The following SNX7 variants were observed in gnomAD, a reference collection of about 807,000 sequenced individuals.
The protein encoded by SNX7 is sorting nexin 7, also known as sorting nexin-7.
Under a neutral mutation model 48.4 loss-of-function variants are expected in SNX7, and 35 were observed. That is an observed-to-expected ratio of 0.72 (90% confidence interval 0.55 to 0.96). SNX7 has a LOEUF of 0.96. Among genes scored for constraint, SNX7 ranks in the 40% least tolerant of loss-of-function variants. The pLI, the probability that SNX7 is intolerant of heterozygous loss-of-function variation, is 0.00. For synonymous variants in SNX7, 190 were observed against 190.2 expected (o/e 1.00, Z 0.01); for missense variants, 553 against 548.9 (o/e 1.01, Z -0.07).
intron 1 of SNX7, among the ~76,000 whole-genome samples, chr1:98,678,478 A>G (rs546273844): frequency 3.4e-4 from 52 of 152,328 alleles, no homozygotes; most frequent in African/African-American, 1.2e-3. Context: ...TTTATTTCCT[A>G]GCATTAATAT....
chr1:98,662,688 T>C, intron 1 of SNX7: 2 of 1,289,328 alleles, frequency 1.6e-6, no homozygotes, highest in Non-Finnish European at 2.0e-6. Flanking sequence ...AAAAATACCT[T>C]TCTTGCAGGG....
chr1:98,751,634 C>T (rs995924515), intron 8 of SNX7, among the ~76,000 whole-genome samples: 1 of 152,042 alleles, frequency 6.6e-6, no homozygotes, highest in Non-Finnish European at 1.5e-5. Context: ...CTGGTCAACC[C>T]ACATCCTGGC....
chr1:98,741,063 AAT>A (rs1359437515), intron 8 of SNX7, among the ~76,000 whole-genome samples: 1 of 152,162 alleles, frequency 6.6e-6, no homozygotes. Context: ...ACTAACTATT[AAT>A]ATCAGAAAAT....
intron 7 of SNX7, among the ~76,000 whole-genome samples, chr1:98,723,901 G>A (rs1364043331): frequency 6.6e-6 from 1 of 151,852 alleles, no homozygotes; most frequent in Non-Finnish European, 1.5e-5. Flanking sequence ...GTGAATATTG[G>A]CAGTTTTGTC....
intron 7 of SNX7, among the ~76,000 whole-genome samples, chr1:98,705,335 G>A (rs761903937): frequency 6.6e-6 from 1 of 152,100 alleles, no homozygotes; most frequent in Non-Finnish European, 1.5e-5. Context: ...ATAAATCAAA[G>A]ATCAAATCCT....
chr1:98,697,986 A>G (rs1651549416), intron 5 of SNX7, among the ~76,000 whole-genome samples: 1 of 152,164 alleles, frequency 6.6e-6, no homozygotes, highest in Non-Finnish European at 1.5e-5. Context: ...TTGAGTTAAA[A>G]TCTTTGGCAG....
chr1:98,679,338 T>G (rs1168234745), intron 1 of SNX7, among the ~76,000 whole-genome samples: 1 of 142,842 alleles, frequency 7.0e-6, no homozygotes, highest in Admixed American at 6.8e-5. Flanking sequence ...CCACAACACA[T>G]GAGAATTGTG....
Position 98,691,203 on chromosome 1 carries a change from T to A in SNX7, c.474+18T>A. ...TTATTCCAGTAAGTTTGCAAAATTT[T>A]TTTTTTCATAGAATAGCTACCAGTT... On this transcript the variant is annotated intron_variant, in intron 3 of 8. Transcript: ENST00000306121. The A allele has an allele frequency of 6.5e-7, 1 of 1,546,550 alleles. No homozygotes were observed. The highest frequency in any genetic ancestry group is 8.8e-7 in the Non-Finnish European group (1 of 1,135,542).
At position 98,695,638 on chromosome 1, in the gene SNX7, A is replaced by C; in HGVS notation, c.760A>C (p.Asn254His). Residue 254 changes from asparagine to histidine, a missense_variant, in exon 5 of 9, where the codon AAT becomes CAT. Transcript: ENST00000306121. Reference protein sequence around the residue: ...KNRPEEFMEMNNFIELFSQKI... With the variant: ...KNRPEEFMEMHNFIELFSQKI... Reference sequence around the variant, plus strand: ...CCGCCCAGAGGAGTTCATGGAAATGAATAACTTTATTGAACTATTTAGCCA... The same window carrying C: ...CCGCCCAGAGGAGTTCATGGAAATGCATAACTTTATTGAACTATTTAGCCA... The C allele has an allele frequency of 6.2e-7, 1 of 1,612,596 alleles. No individual in the cohort carries two copies.
At chr1:98,678,779 A>T (rs1650315252) in intron 1 of SNX7, among the ~76,000 whole-genome samples, 1 of 152,234 alleles carries the variant, frequency 6.6e-6, no homozygotes, top group Non-Finnish European at 1.5e-5. Flanking sequence ...TAGTCATATA[A>T]TTAATTTGAG....
chr1:98,664,652 A>T (rs896523663), intron 1 of SNX7, among the ~76,000 whole-genome samples: 1 of 152,240 alleles, frequency 6.6e-6, no homozygotes, highest in Non-Finnish European at 1.5e-5. Flanking sequence ...AGTTCTTGCT[A>T]TCACAATCTT....
chr1:98,743,473 C>T (rs1654173729), intron 8 of SNX7, among the ~76,000 whole-genome samples: 1 of 151,694 alleles, frequency 6.6e-6, no homozygotes, highest in Non-Finnish European at 1.5e-5. Flanking sequence ...AGCAGAAAAA[C>T]AATTCTAGCA....
At chr1:98,672,555 C>T (rs142425878) in intron 1 of SNX7, among the ~76,000 whole-genome samples, 2 of 151,260 alleles carry the variant, frequency 1.3e-5, no homozygotes, top group African/African-American at 4.9e-5. Context: ...GCATCTTGGA[C>T]CTTTCTGAAT....
At chr1:98,673,711 C>G (rs1051568468) in intron 1 of SNX7, among the ~76,000 whole-genome samples, 1 of 152,106 alleles carries the variant, frequency 6.6e-6, no homozygotes, top group Admixed American at 6.5e-5. Context: ...TTGAGTCTTG[C>G]TATCAATTAA....
At chr1:98,743,019 A>G (rs951455075) in intron 8 of SNX7, among the ~76,000 whole-genome samples, 5 of 151,588 alleles carry the variant, frequency 3.3e-5, no homozygotes, top group African/African-American at 7.3e-5. Flanking sequence ...CTTTTCTTCT[A>G]TCATTACTAT....
chr1:98,736,043 A>T (rs1241240977), intron 7 of SNX7, among the ~76,000 whole-genome samples: 2 of 152,172 alleles, frequency 1.3e-5, no homozygotes, highest in Non-Finnish European at 2.9e-5. Context: ...AAAGGCTTTA[A>T]TGAGGGAGAT....
intron 8 of SNX7, among the ~76,000 whole-genome samples, chr1:98,742,840 A>T (rs1654137871): frequency 6.6e-6 from 1 of 152,004 alleles, no homozygotes; most frequent in Non-Finnish European, 1.5e-5. Context: ...AAAAACACAT[A>T]TGTTTACTTA....
intron 8 of SNX7, among the ~76,000 whole-genome samples, chr1:98,740,458 T>C (rs989721449): frequency 6.6e-6 from 1 of 152,144 alleles, no homozygotes; most frequent in East Asian, 1.9e-4. Context: ...CTATAAATGA[T>C]TACAAAACCT....
intron 7 of SNX7, among the ~76,000 whole-genome samples, chr1:98,710,524 T>A (rs890044810): frequency 6.6e-6 from 1 of 152,198 alleles, no homozygotes; most frequent in Non-Finnish European, 1.5e-5. Flanking sequence ...AGTCATTTCT[T>A]CTCAGGGTTT....
Sources: allele counts gnomAD v4.1 joint callset (sites outside exome capture counted in the v4.1 genomes callset), GRCh38; gene constraint gnomAD v4.1.1; transcripts MANE v1.5; gene names NCBI Gene and HGNC (gene_info 2026-07-23, HGNC 2026-07-21).